Variants in ACACA observed in about 807,000 individuals in gnomAD.
The protein encoded by ACACA is acetyl-CoA carboxylase 1.
ACACA carries 103 observed loss-of-function variants against 296.1 expected under a neutral mutation model. The observed-to-expected ratio is 0.35, with a 90% CI of 0.30 to 0.41. ACACA has a LOEUF of 0.41. Ranked by LOEUF, ACACA falls within the 10% of genes least tolerant of loss-of-function variation. ACACA has a pLI of 1.00. For synonymous variants in ACACA, 953 were observed against 1,038.6 expected, an observed-to-expected ratio of 0.92 and a Z score of 1.58; for missense variants, 1,554 against 2,989.7, an observed-to-expected ratio of 0.52 and a Z score of 11.20.
chr17:37,318,154 C>T (rs1642144014), intron 3 of ACACA, among the ~76,000 whole-genome samples: 1 of 152,164 alleles, frequency 6.6e-6, no homozygotes, highest in Admixed American at 6.6e-5. Context: ...AAAACCAGAG[C>T]CAATTTCCTT....
intron 30 of ACACA, among the ~76,000 whole-genome samples, chr17:37,208,651 C>T (rs1453442199): frequency 6.6e-6 from 1 of 152,176 alleles, no homozygotes; most frequent in Non-Finnish European, 1.5e-5. Context: ...CTGAAGAGAA[C>T]TGAACTGATT....
chr17:37,140,960 CCTT>C (rs1396876309), intron 45 of ACACA: 19 of 348,974 alleles, frequency 5.4e-5, no homozygotes, highest in Admixed American at 7.8e-5. Context: ...ATGGTGTGGG[CCTT>C]CTTCTCCCAG....
intron 39 of ACACA, among the ~76,000 whole-genome samples, chr17:37,183,918 T>TCTCGG (rs913471170): frequency 2.8e-4 from 41 of 146,016 alleles, no homozygotes; most frequent in Admixed American, 1.8e-3. Flanking sequence ...AATGGTGCGA[T>TCTCGG]CTCGGCTCAC....
At chr17:37,212,309 C>T (rs959037210) in intron 29 of ACACA, among the ~76,000 whole-genome samples, 14 of 152,080 alleles carry the variant, frequency 9.2e-5, no homozygotes, top group Admixed American at 2.6e-4. Flanking sequence ...GAAAAAGGCC[C>T]GAACTGAAAA....
At chr17:37,379,337 AT>A (rs771193079) in intron 1 of ACACA, 66 of 1,613,814 alleles carry the variant, frequency 4.1e-5, no homozygotes, top group Non-Finnish European at 5.6e-5. Flanking sequence ...CTGTCACCTA[AT>A]CCCCACATCC....
At chr17:37,347,853 GA>G (rs757137934) in intron 1 of ACACA, among the ~76,000 whole-genome samples, 3 of 150,628 alleles carry the variant, frequency 2.0e-5, no homozygotes, top group Non-Finnish European at 4.4e-5. Flanking sequence ...TAAGGTTAAA[GA>G]AAAGCTTTCA....
intron 1 of ACACA, among the ~76,000 whole-genome samples, chr17:37,362,519 G>A (rs1352488033): frequency 2.0e-5 from 3 of 152,210 alleles, no homozygotes; most frequent in African/African-American, 4.8e-5. Context: ...AATAGCCATA[G>A]ATGAGAAAAG....
intron 1 of ACACA, among the ~76,000 whole-genome samples, chr17:37,352,019 C>T (rs2048927104): frequency 1.3e-5 from 2 of 151,100 alleles, no homozygotes; most frequent in Non-Finnish European, 2.9e-5. Context: ...CAAGCTCCGC[C>T]TCCCGGGTTC....
intron 16 of ACACA, among the ~76,000 whole-genome samples, chr17:37,250,953 A>G (rs1244970375): frequency 1.3e-5 from 2 of 150,852 alleles, no homozygotes; most frequent in African/African-American, 2.4e-5. Context: ...CGTGAACCCG[A>G]GAGGCGGACC....
At chr17:37,300,787 G>A (rs1337812966) in intron 3 of ACACA, among the ~76,000 whole-genome samples, 8 of 152,162 alleles carry the variant, frequency 5.3e-5, no homozygotes, top group Non-Finnish European at 8.8e-5. Context: ...TGGAAGTCCT[G>A]GTTGTTCTCT....
intron 50 of ACACA, among the ~76,000 whole-genome samples, chr17:37,120,967 A>T (rs539875819): frequency 3.3e-5 from 5 of 152,294 alleles, no homozygotes; most frequent in Admixed American, 1.3e-4. Context: ...CTTCCAGTAA[A>T]TGCTAATTTC....
chr17:37,229,000 C>T (rs1354865835), intron 25 of ACACA, among the ~76,000 whole-genome samples: 1 of 151,768 alleles, frequency 6.6e-6, no homozygotes. Context: ...AAAAATTAGC[C>T]GGGCGTGGTG....
intron 39 of ACACA, among the ~76,000 whole-genome samples, chr17:37,186,962 C>T (rs1304880592): frequency 5.3e-5 from 8 of 151,638 alleles, no homozygotes; most frequent in African/African-American, 1.5e-4. Flanking sequence ...ATTAAAATCT[C>T]AAGTGGCCAT....
chr17:37,362,056 A>G (rs1417552798), intron 1 of ACACA, among the ~76,000 whole-genome samples: 1 of 152,206 alleles, frequency 6.6e-6, no homozygotes, highest in Non-Finnish European at 1.5e-5. Flanking sequence ...TGTCGTCCTT[A>G]TAAGACGAGG....
At chr17:37,155,910 T>C (rs2076223443) in intron 42 of ACACA, 130 bp from the exon 43 acceptor site, 1 of 699,050 alleles carries the variant, frequency 1.4e-6, no homozygotes, top group Non-Finnish European at 2.6e-6. Flanking sequence ...TTAGGTTTAC[T>C]GTCTAACAGA....
intron 52 of ACACA, among the ~76,000 whole-genome samples, chr17:37,102,869 C>T (rs2032434056): frequency 6.6e-6 from 1 of 152,208 alleles, no homozygotes. Flanking sequence ...TGCTCTGGCC[C>T]TCCTGAGACT....
intron 52 of ACACA, among the ~76,000 whole-genome samples, chr17:37,107,220 T>G (rs2073740861): frequency 6.6e-6 from 1 of 152,200 alleles, no homozygotes. Context: ...TTTCCTAGTC[T>G]TAACTTTCCA....
chr17:37,277,126 T>A lies in ACACA; in HGVS notation c.721-12A>T. On this transcript the variant is annotated splice_polypyrimidine_tract_variant and intron_variant, in intron 6 of 55. Coordinates refer to ENST00000616317, the MANE Select transcript of ACACA (RefSeq NM_198834.3). ...CCAGCCCACACTGCCTGCAAGGGAA[T>A]ACAATATAATTCATTCTTAAAATTC... 15 of 1,607,892 alleles carry A rather than the reference T, an allele frequency of 9.3e-6. No homozygotes were observed. Among genetic ancestry groups the A allele is most frequent in the Non-Finnish European group, 1.3e-5 (15 of 1,174,348 alleles).
chr17:37,301,531 G>T (rs776702778), intron 3 of ACACA: 4 of 287,330 alleles, frequency 1.4e-5, no homozygotes, highest in Non-Finnish European at 2.1e-5. Flanking sequence ...CACACACACT[G>T]TGAGAGACTG....
Sources: allele counts gnomAD v4.1 joint callset (sites outside exome capture counted in the v4.1 genomes callset), GRCh38; gene constraint gnomAD v4.1.1; transcripts MANE v1.5; gene names NCBI Gene and HGNC (gene_info 2026-07-23, HGNC 2026-07-21).